Variants in MAP2K5 observed in about 807,000 individuals in gnomAD.
The protein encoded by MAP2K5 is mitogen-activated protein kinase kinase 5.
MAP2K5 carries 49 observed loss-of-function variants against 83.1 expected under a neutral mutation model. The ratio of observed to expected loss-of-function variants is 0.59; its 90% CI spans 0.47 to 0.75. The LOEUF (loss-of-function observed/expected upper bound fraction) is 0.75, where lower values mean the gene tolerates loss of function less well. Ranked by LOEUF, MAP2K5 falls within the 30% of genes least tolerant of loss-of-function variation. MAP2K5 has a pLI of 0.00. For synonymous variants in MAP2K5, 202 were observed against 191.8 expected (o/e 1.05, Z -0.44); for missense variants, 457 against 557.5 (o/e 0.82, Z 1.82).
At chr15:67,557,979 C>T (rs973589499) in intron 2 of MAP2K5, among the ~76,000 whole-genome samples, 3 of 152,184 alleles carry the variant, frequency 2.0e-5, no homozygotes, top group Admixed American at 2.0e-4. Flanking sequence ...GTTAATTATG[C>T]ATCCTAGAAT....
intron 8 of MAP2K5, among the ~76,000 whole-genome samples, chr15:67,609,840 T>C (rs2085878009): frequency 6.6e-6 from 1 of 152,046 alleles, no homozygotes. Flanking sequence ...AAGAACCTTA[T>C]AGGCAGAAGT....
chr15:67,706,204 G>A (rs2088550005), intron 16 of MAP2K5, among the ~76,000 whole-genome samples: 1 of 152,116 alleles, frequency 6.6e-6, no homozygotes, highest in African/African-American at 2.4e-5. Flanking sequence ...GGTGCTAGGG[G>A]TACAAAGATT....
At chr15:67,701,025 C>T (rs927253095) in intron 15 of MAP2K5, among the ~76,000 whole-genome samples, 1 of 151,834 alleles carries the variant, frequency 6.6e-6, no homozygotes, top group Non-Finnish European at 1.5e-5. Context: ...TGTGTTTAAC[C>T]TCCTTTTTGA....
At chr15:67,585,853 C>T (rs369160720) in intron 4 of MAP2K5, 37 bp from the exon 5 acceptor site, 458 of 1,593,236 alleles carry the variant, frequency 2.9e-4, no homozygotes, top group Non-Finnish European at 3.8e-4. Flanking sequence ...GTAAATGGCC[C>T]TGATGTGTTC....
Position 67,563,226 on chromosome 15 carries a change from C to T in MAP2K5, c.185-57C>T. On this transcript the variant is annotated intron_variant, in intron 2 of 21. Coordinates refer to ENST00000178640, the MANE Select transcript of MAP2K5 (RefSeq NM_145160.3). This position sits in a 1 kb window ranked among gnomAD's most constrained non-coding sequence, Gnocchi z 4.5. ...GTAATAAACCGTTTATATTATGTTCCCTTTGTGCATTAAACAAATGCACAC... is the reference window on the plus strand; with the variant it reads ...GTAATAAACCGTTTATATTATGTTCTCTTTGTGCATTAAACAAATGCACAC... 1 of 1,575,938 alleles carries T rather than the reference C, an allele frequency of 6.3e-7. No homozygotes were observed. The highest frequency in any genetic ancestry group is 2.3e-5 in the East Asian group (1 of 44,082).
At position 67,764,830 on chromosome 15, in the gene MAP2K5, C is replaced by T. The variant is rs1253406386; in HGVS notation, c.1135-4772C>T. Among the ~76,000 whole-genome samples the T allele has an allele frequency of 6.6e-6, 1 of 152,050 alleles. No homozygotes were observed. Among genetic ancestry groups the T allele is most frequent in the African/African-American group, 2.4e-5 (1 of 41,398 alleles). On this transcript the variant is annotated intron_variant, in intron 19 of 21. Transcript: ENST00000178640. This position sits in a 1 kb window ranked among gnomAD's most constrained non-coding sequence, Gnocchi z 4.9. ...AGGAATATTTTTTTAAGCAAAAGGC[C>T]CTTAACTTTTTTCCAGTTGAGTATT...
intron 8 of MAP2K5, among the ~76,000 whole-genome samples, chr15:67,610,748 T>G (rs949571063): frequency 6.6e-6 from 1 of 152,156 alleles, no homozygotes; most frequent in Non-Finnish European, 1.5e-5. Flanking sequence ...TTTGCAAAAT[T>G]TGAGGGGGAA....
chr15:67,761,690 A>G (rs998185216), intron 19 of MAP2K5, among the ~76,000 whole-genome samples: 5 of 152,174 alleles, frequency 3.3e-5, no homozygotes, highest in Non-Finnish European at 2.9e-5. Flanking sequence ...CTGTACTTCA[A>G]CAGTGTGTGG....
At chr15:67,661,249 GTCT>G (rs1350493595) in intron 12 of MAP2K5, among the ~76,000 whole-genome samples, 1 of 151,926 alleles carries the variant, frequency 6.6e-6, no homozygotes, top group Non-Finnish European at 1.5e-5. Context: ...TTTGAATCTG[GTCT>G]TCTATAAAGA....
Position 67,757,782 on chromosome 15 carries a change from A to G in MAP2K5, c.1134+9181A>G, listed in dbSNP as rs1410608413. 6.6e-6 allele frequency among the ~76,000 whole-genome samples: 1 copy of G among 152,184 alleles called. No individual in the cohort carries two copies. The highest frequency in any genetic ancestry group is 2.4e-5 in the African/African-American group (1 of 41,440). On this transcript the variant is annotated intron_variant, in intron 19 of 21. Coordinates refer to ENST00000178640, the MANE Select transcript of MAP2K5 (RefSeq NM_145160.3). The surrounding 1 kb of genome is among the most constrained non-coding windows in gnomAD (Gnocchi z 4.9). The stretch of plus-strand genomic sequence containing the variant: ...TAACCACTCACATAAATGGGTATTT[A>G]CGATATGGTATTTAATGATGTTTGT...
chr15:67,632,041 T>C (rs990810534), intron 9 of MAP2K5, among the ~76,000 whole-genome samples: 1 of 152,170 alleles, frequency 6.6e-6, no homozygotes, highest in Non-Finnish European at 1.5e-5. Context: ...TCCTGGCCTT[T>C]AGTAATGAAA....
intron 13 of MAP2K5, among the ~76,000 whole-genome samples, chr15:67,680,845 G>A (rs2087799195): frequency 6.6e-6 from 1 of 152,202 alleles, no homozygotes; most frequent in African/African-American, 2.4e-5. Context: ...ATTGGATAAT[G>A]TTAACTCGTC....
chr15:67,542,758 C>G lies in MAP2K5; in HGVS notation c.-578C>G, dbSNP rs1290757052. ...CCGTCGCCGCCGCCGCAGCCGCCGC[C>G]AGTCCGCGCGGCCTCGGGTGGCCGG... On this transcript the variant is annotated 5_prime_UTR_variant, in exon 1 of 22. Coordinates refer to ENST00000178640, the MANE Select transcript of MAP2K5 (RefSeq NM_145160.3). The G allele has an allele frequency of 6.4e-6, 1 of 155,842 alleles. No homozygotes were observed. Among genetic ancestry groups the G allele is most frequent in the South Asian group, 1.8e-4 (1 of 5,472 alleles). The allele number at this position is 155,842 out of a possible 1,614,324, so 9.7% of individuals were successfully genotyped here. A position where few individuals can be genotyped will look rare whatever the true frequency, so the allele number is the denominator to read the frequency against.
At chr15:67,618,068 G>T (rs774733642) in intron 8 of MAP2K5, among the ~76,000 whole-genome samples, 1 of 152,096 alleles carries the variant, frequency 6.6e-6, no homozygotes, top group Non-Finnish European at 1.5e-5. Context: ...TAATAAATTC[G>T]CATTAACAGT....
intron 13 of MAP2K5, among the ~76,000 whole-genome samples, chr15:67,686,199 A>G (rs369155851): frequency 2.6e-5 from 4 of 152,196 alleles, no homozygotes; most frequent in African/African-American, 7.2e-5. Context: ...TAAAAGCACA[A>G]ATGTCAAACT....
rs2090314885 is a variant in MAP2K5, at chr15:67,780,695, C to G, written c.1242+7943C>G. Among the ~76,000 whole-genome samples the G allele has an allele frequency of 6.6e-6, 1 of 152,180 alleles. No individual in the cohort carries two copies. Among genetic ancestry groups the G allele is most frequent in the African/African-American group, 2.4e-5 (1 of 41,450 alleles). ...TTGACCTCCTGCTAGGAGAGGTCAT[C>G]TAGGTTAGAAAATTTGGTGCCAAAA... On this transcript the variant is annotated intron_variant, in intron 21 of 21. Transcript: ENST00000178640. The surrounding 1 kb of genome is among the most constrained non-coding windows in gnomAD (Gnocchi z 5.0).
Position 67,796,445 on chromosome 15 carries a change from G to A in MAP2K5, c.1243-10201G>A, listed in dbSNP as rs529403528. Among the ~76,000 whole-genome samples the A allele has an allele frequency of 2.9e-3, 449 of 152,260 alleles. 2 individuals are homozygous for A. The highest frequency in any genetic ancestry group is 4.5e-3 in the Admixed American group (69 of 15,284). On this transcript the variant is annotated intron_variant, in intron 21 of 21. Coordinates refer to ENST00000178640, the MANE Select transcript of MAP2K5 (RefSeq NM_145160.3). Reference sequence around the variant, plus strand: ...ATGGCAGAAGGCAAGAGGGGAGCTGGCACATCACATGGCAAAAATATAGGC... The same window carrying A: ...ATGGCAGAAGGCAAGAGGGGAGCTGACACATCACATGGCAAAAATATAGGC...
rs1470488977 is a variant in MAP2K5 at position 67,644,027 on chromosome 15, C to T, written c.586-2204C>T. Among the ~76,000 whole-genome samples the T allele has an allele frequency of 1.3e-5, 2 of 152,194 alleles. No homozygotes were observed. Among genetic ancestry groups the T allele is most frequent in the Non-Finnish European group, 2.9e-5 (2 of 68,044 alleles). Reference sequence around the variant, plus strand: ...ATGTTAAGTTTTTATCTAGAAATGTCTAGAGCCAGAAACTCTGCCACAAAT... The same window carrying T: ...ATGTTAAGTTTTTATCTAGAAATGTTTAGAGCCAGAAACTCTGCCACAAAT... On this transcript the variant is annotated intron_variant, in intron 9 of 21. Coordinates refer to ENST00000178640, the MANE Select transcript of MAP2K5 (RefSeq NM_145160.3). The surrounding 1 kb of genome is among the most constrained non-coding windows in gnomAD (Gnocchi z 4.6).
chr15:67,630,191 G>A (rs2086436430), intron 8 of MAP2K5, among the ~76,000 whole-genome samples: 1 of 152,212 alleles, frequency 6.6e-6, no homozygotes, highest in South Asian at 2.1e-4. Context: ...CTGTGATTAT[G>A]CCACTGTGTT....
Sources: gnomAD v4.1 joint callset for allele counts (sites outside exome capture counted in the v4.1 genomes callset) on GRCh38, gnomAD v4.1.1 for gene constraint, Gnocchi (gnomAD v3.1) non-coding constraint, MANE v1.5 for transcripts, NCBI Gene and HGNC (gene_info 2026-07-23, HGNC 2026-07-21) for gene names.